Variants in BTBD16 observed in about 807,000 individuals in gnomAD.
The protein encoded by BTBD16 is BTB/POZ domain-containing protein 16.
A neutral mutation model predicts 67.4 loss-of-function variants in BTBD16; 66 were observed. That is an observed-to-expected ratio of 0.98 (90% confidence interval 0.80 to 1.20). The LOEUF (loss-of-function observed/expected upper bound fraction) is 1.20. Ranked by LOEUF, BTBD16 falls within the 50% of genes most tolerant of loss-of-function variation. The pLI, the probability that BTBD16 is intolerant of heterozygous loss-of-function variation, is 0.00. For synonymous variants in BTBD16, 242 were observed against 236.4 expected (o/e 1.02, Z -0.22); for missense variants, 634 against 616.0 (o/e 1.03, Z -0.31).
intron 10 of BTBD16, among the ~76,000 whole-genome samples, chr10:122,312,083 G>A (rs1042603298): frequency 1.3e-5 from 2 of 152,158 alleles, no homozygotes; most frequent in African/African-American, 4.8e-5. Context: ...CCATGTACAT[G>A]TCTTGTGGTA....
At position 122,271,341 on chromosome 10, in the gene BTBD16, T is replaced by G. The variant is rs966034760; in HGVS notation, c.-216T>G. On this transcript the variant is annotated 5_prime_UTR_variant, in exon 1 of 16. Transcript: ENST00000260723. ...GGCAAGCTCCCCCTGTCAAAGCACC[T>G]TGGCCCATAAGAAGAAAAGGGGGAG... 5.9e-5 allele frequency: 9 copies of G among 152,372 alleles called. No individual in the cohort carries two copies. Among genetic ancestry groups the G allele is most frequent in the Admixed American group, 5.9e-4 (9 of 15,312 alleles). The allele number at this position is 152,372 out of a possible 1,614,324, so 9.4% of individuals were successfully genotyped here. A position where few individuals can be genotyped will look rare whatever the true frequency, so the allele number is the denominator to read the frequency against.
chr10:122,294,181 T>C (rs1284188386), intron 7 of BTBD16: 1 of 985,236 alleles, frequency 1.0e-6, no homozygotes, highest in East Asian at 1.1e-4. Flanking sequence ...TTGCCTGCCT[T>C]TGAGAGGCTG....
At chr10:122,272,351 TTCC>T (rs2096330584) in intron 1 of BTBD16, among the ~76,000 whole-genome samples, 1 of 152,154 alleles carries the variant, frequency 6.6e-6, no homozygotes, top group South Asian at 2.1e-4. Context: ...TCTTTTTTCT[TTCC>T]CCTCGAGACA....
intron 10 of BTBD16, among the ~76,000 whole-genome samples, chr10:122,321,798 G>C (rs756221032): frequency 2.0e-5 from 3 of 152,002 alleles, no homozygotes; most frequent in Admixed American, 2.0e-4. Flanking sequence ...TCTGTTGATA[G>C]TTTCTTTTGC....
intron 13 of BTBD16, among the ~76,000 whole-genome samples, chr10:122,333,903 A>G (rs2096458793): frequency 6.6e-6 from 1 of 152,192 alleles, no homozygotes; most frequent in African/African-American, 2.4e-5. Flanking sequence ...GGGCAGTGGT[A>G]CCTTCTTGCA....
chr10:122,275,591 C>T (rs2096338938), intron 2 of BTBD16, among the ~76,000 whole-genome samples: 2 of 152,174 alleles, frequency 1.3e-5, no homozygotes, highest in Admixed American at 1.3e-4. Context: ...CAAGGTCACA[C>T]AACTAGAAAG....
At chr10:122,281,380 T>G (rs1250396239) in intron 3 of BTBD16, among the ~76,000 whole-genome samples, 2 of 152,012 alleles carry the variant, frequency 1.3e-5, no homozygotes, top group African/African-American at 4.8e-5. Flanking sequence ...GGTGGATTTT[T>G]TTGTTTTGTT....
chr10:122,272,377 T>TGG (rs2142035932), intron 1 of BTBD16, among the ~76,000 whole-genome samples: 1 of 152,322 alleles, frequency 6.6e-6, no homozygotes, highest in African/African-American at 2.4e-5. Context: ...GTTTCGCTCT[T>TGG]GTTTCCCAGG....
intron 8 of BTBD16, 94 bp from the exon 9 acceptor site, chr10:122,298,910 C>T (rs2096388564): frequency 1.3e-6 from 2 of 1,521,192 alleles, no homozygotes; most frequent in Admixed American, 1.9e-5. Flanking sequence ...TGCAGTGACT[C>T]TCCCTCTGAG....
In BTBD16 at chr10:122,283,911, A is replaced by C. The variant is rs1358390639; in HGVS notation, c.228A>C (p.Gln76His). 1.2e-6 allele frequency: 2 copies of C among 1,613,498 alleles called. No homozygotes were observed. Among genetic ancestry groups the C allele is most frequent in the African/African-American group, 2.7e-5 (2 of 74,922 alleles). Residue 76 changes from glutamine (Q) to histidine (H), a missense_variant, in exon 4 of 16, where the codon CAA becomes CAC. Coordinates refer to ENST00000260723, the MANE Select transcript of BTBD16 (RefSeq NM_144587.5). ...AGAATTTCAAGAACAAGGACATCCA[A>C]AGTGGGGAAGCAGGTGAGTTTGTGT... Reference protein sequence around the residue: ...FFENFKNKDIQSGEADVILEC... With the variant: ...FFENFKNKDIHSGEADVILEC...
intron 10 of BTBD16, among the ~76,000 whole-genome samples, chr10:122,308,606 A>G (rs1590075709): frequency 6.6e-6 from 1 of 151,676 alleles, no homozygotes; most frequent in African/African-American, 2.4e-5. Flanking sequence ...CCCTTCCCCA[A>G]CCTCCCTCCT....
chr10:122,295,655 G>C (rs548285664), intron 7 of BTBD16, among the ~76,000 whole-genome samples: 1 of 152,150 alleles, frequency 6.6e-6, no homozygotes, highest in African/African-American at 2.4e-5. Flanking sequence ...GGGAGGAGGG[G>C]CACGCTCAAG....
At chr10:122,337,213 C>T (rs942153908) in intron 15 of BTBD16, among the ~76,000 whole-genome samples, 2 of 152,216 alleles carry the variant, frequency 1.3e-5, no homozygotes, top group African/African-American at 2.4e-5. Context: ...GATTGCACAT[C>T]AGAATCACCT....
At chr10:122,309,013 T>C (rs1476842425) in intron 10 of BTBD16, among the ~76,000 whole-genome samples, 2 of 152,200 alleles carry the variant, frequency 1.3e-5, no homozygotes, top group Non-Finnish European at 2.9e-5. Context: ...TCAGTTCATG[T>C]ATATGTCCTG....
At chr10:122,305,659 G>A (rs1411668004) in intron 9 of BTBD16, among the ~76,000 whole-genome samples, 2 of 152,168 alleles carry the variant, frequency 1.3e-5, no homozygotes, top group African/African-American at 4.8e-5. Flanking sequence ...AAATTACCCA[G>A]TCTCAGATAT....
intron 7 of BTBD16, 91 bp downstream of exon 7, chr10:122,291,285 A>C: frequency 1.3e-6 from 2 of 1,496,522 alleles, no homozygotes; most frequent in Non-Finnish European, 1.8e-6. Context: ...ATTCCTCTTC[A>C]TTGGGCTAAG....
chr10:122,295,455 C>T (rs1184500757), intron 7 of BTBD16: 1 of 985,296 alleles, frequency 1.0e-6, no homozygotes, highest in Non-Finnish European at 1.2e-6. Flanking sequence ...GTTCAGTCAG[C>T]AGAGCAGGAA....
At chr10:122,275,136 G>C in intron 2 of BTBD16, 37 bp downstream of exon 2, 1 of 1,601,502 alleles carries the variant, frequency 6.2e-7, no homozygotes, top group African/African-American at 1.3e-5. Context: ...TAGGTGATGA[G>C]AAGAAGCATT....
At chr10:122,316,592 A>G (rs577746981) in intron 10 of BTBD16, among the ~76,000 whole-genome samples, 56 of 152,258 alleles carry the variant, frequency 3.7e-4, no homozygotes, top group Non-Finnish European at 6.6e-4. Flanking sequence ...TGTACTGAAT[A>G]TCATAGGCAG....
Sources: allele counts gnomAD v4.1 joint callset (sites outside exome capture counted in the v4.1 genomes callset), GRCh38; gene constraint gnomAD v4.1.1; transcripts MANE v1.5; gene names NCBI Gene and HGNC (gene_info 2026-07-23, HGNC 2026-07-21).